Variants in LRRC7 observed in about 807,000 individuals in gnomAD.
LRRC7 encodes leucine-rich repeat-containing protein 7.
LRRC7 carries 23 observed loss-of-function variants against 175.7 expected under a neutral mutation model. The ratio of observed to expected loss-of-function variants is 0.13; its 90% CI spans 0.09 to 0.19. The LOEUF is 0.19. LRRC7 is among the 10% of genes least tolerant of loss of function. The pLI is 1.00. For synonymous variants in LRRC7, 685 were observed against 680.9 expected, an observed-to-expected ratio of 1.01 and a Z score of -0.09; for missense variants, 1,354 against 1,904.7, an observed-to-expected ratio of 0.71 and a Z score of 5.38.
intron 1 of LRRC7, among the ~76,000 whole-genome samples, chr1:69,621,522 T>C (rs1303913035): frequency 6.6e-6 from 1 of 152,094 alleles, no homozygotes; most frequent in Admixed American, 6.6e-5. Context: ...ATATAGGAGA[T>C]TTTCTCTCCC....
In LRRC7 at chr1:70,083,161, T is replaced by C. The variant is rs114888734; in HGVS notation, c.4453-6566T>C. On this transcript the variant is annotated intron_variant, in intron 24 of 26. Coordinates refer to ENST00000651989, the MANE Select transcript of LRRC7 (RefSeq NM_001370785.2). Reference sequence around the variant, plus strand: ...ATCTTTCATTCACAAGAGGAAAAGATTTGAATATAGAAGAATTTGTATTTC... The same window carrying C: ...ATCTTTCATTCACAAGAGGAAAAGACTTGAATATAGAAGAATTTGTATTTC... Among the ~76,000 whole-genome samples, 1,291 of 152,240 alleles carry C rather than the reference T, an allele frequency of 8.5e-3. 11 individuals are homozygous for C. The highest frequency in any genetic ancestry group is 0.029 in the African/African-American group (1,217 of 41,550).
At chr1:69,568,719 G>T (rs1221905107) in intron 1 of LRRC7, 78 bp downstream of exon 1, 3 of 1,150,670 alleles carry the variant, frequency 2.6e-6, no homozygotes, top group South Asian at 1.6e-5. Context: ...CGCGAGGTGT[G>T]GGACCCCAGA....
intron 1 of LRRC7, 23 bp from the exon 2 acceptor site, chr1:69,678,358 A>G: frequency 1.4e-6 from 2 of 1,480,382 alleles, no homozygotes; most frequent in South Asian, 1.2e-5. Flanking sequence ...GTATGAAAAT[A>G]CTCTTCTGAT....
At chr1:69,939,045 ATCT>A in intron 8 of LRRC7, among the ~76,000 whole-genome samples, 1 of 64,380 alleles carries the variant, frequency 1.6e-5, no homozygotes, top group African/African-American at 4.0e-5. Context: ...ATATATCTAT[ATCT>A]ATCTCACAGA....
At chr1:69,942,858 T>G (rs899493461) in intron 8 of LRRC7, among the ~76,000 whole-genome samples, 11 of 152,184 alleles carry the variant, frequency 7.2e-5, no homozygotes, top group African/African-American at 2.4e-4. Context: ...GGTGTCATTA[T>G]TCAGTCTACT....
intron 1 of LRRC7, among the ~76,000 whole-genome samples, chr1:69,570,146 A>G (rs1371209041): frequency 1.3e-5 from 2 of 152,060 alleles, no homozygotes; most frequent in African/African-American, 4.8e-5. Context: ...TTCTAAGCAC[A>G]ATAGAGATTT....
chr1:70,038,536 C>T lies in LRRC7; in HGVS notation c.2712C>T (p.Pro904=), dbSNP rs34000363. 6.0e-4 allele frequency: 964 copies of T among 1,614,030 alleles called. 6 individuals are homozygous for T. The African/African-American group carries it at 0.012, about 20-fold the overall frequency. The stretch of plus-strand genomic sequence containing the variant: ...TTCCTTCCAAATTAGAGACAACCCC[C>T]ACTACCAGCCCATTGCCTGAAAGGA... ...TAFPSKLETT[P]TTSPLPERKE... Residue 904 remains proline (P), a synonymous_variant, in exon 21 of 27, where the codon CCC becomes CCT. Coordinates refer to ENST00000651989, the MANE Select transcript of LRRC7 (RefSeq NM_001370785.2).
intron 1 of LRRC7, among the ~76,000 whole-genome samples, chr1:69,653,193 T>C (rs1338706144): frequency 6.6e-6 from 1 of 152,098 alleles, no homozygotes; most frequent in Non-Finnish European, 1.5e-5. Context: ...ATGACATATC[T>C]GATAAGGGGT....
chr1:70,030,822 T>C (rs548965609), intron 18 of LRRC7, among the ~76,000 whole-genome samples: 2 of 152,330 alleles, frequency 1.3e-5, no homozygotes, highest in South Asian at 4.1e-4. Flanking sequence ...TAAATATTTA[T>C]TGCTCACTTT....
At position 69,833,967 on chromosome 1, in the gene LRRC7, T is replaced by A. The variant is rs1570227213; in HGVS notation, c.501-813T>A. On this transcript the variant is annotated intron_variant, in intron 5 of 26. Coordinates refer to ENST00000651989, the MANE Select transcript of LRRC7 (RefSeq NM_001370785.2). Reference sequence around the variant, plus strand: ...GAGTATTTTATAAAATAACATAATCTGGACTAGACTATACATAAAGGCATT... The same window carrying A: ...GAGTATTTTATAAAATAACATAATCAGGACTAGACTATACATAAAGGCATT... Among the ~76,000 whole-genome samples the A allele has an allele frequency of 2.0e-5, 3 of 152,076 alleles. No individual in the cohort carries two copies. In the East Asian group the frequency reaches 5.8e-4, roughly 29 times the overall value.
At chr1:69,992,220 T>G (rs1362056976) in intron 10 of LRRC7, among the ~76,000 whole-genome samples, 2 of 152,148 alleles carry the variant, frequency 1.3e-5, no homozygotes, top group African/African-American at 4.8e-5. Flanking sequence ...GCACAACTAT[T>G]TCCTTTCAAA....
At chr1:70,008,697 T>G (rs1259381982) in intron 11 of LRRC7, among the ~76,000 whole-genome samples, 2 of 152,162 alleles carry the variant, frequency 1.3e-5, no homozygotes, top group African/African-American at 4.8e-5. Context: ...CCAAGAGAAT[T>G]AGGGTGACCA....
At chr1:69,734,726 ACTTT>A (rs1325392991) in intron 2 of LRRC7, among the ~76,000 whole-genome samples, 1 of 151,886 alleles carries the variant, frequency 6.6e-6, no homozygotes, top group Non-Finnish European at 1.5e-5. Flanking sequence ...TGAATTCCTT[ACTTT>A]CTATTTCTTT....
intron 4 of LRRC7, among the ~76,000 whole-genome samples, chr1:69,796,492 A>T (rs532713994): frequency 1.4e-4 from 22 of 152,096 alleles, no homozygotes; most frequent in Non-Finnish European, 2.2e-4. Flanking sequence ...TCACCTTTAA[A>T]AAGACATTTC....
intron 3 of LRRC7, among the ~76,000 whole-genome samples, chr1:69,761,112 A>G (rs1344920317): frequency 6.6e-6 from 1 of 152,032 alleles, no homozygotes; most frequent in African/African-American, 2.4e-5. Context: ...GCAGACCAAG[A>G]CCACACAGCA....
intron 2 of LRRC7, among the ~76,000 whole-genome samples, chr1:69,683,233 A>C (rs566772430): frequency 6.6e-6 from 1 of 151,876 alleles, no homozygotes; most frequent in East Asian, 1.9e-4. Flanking sequence ...TCCTACGTTC[A>C]CTCTAATTTC....
At chr1:69,868,223 T>G (rs924756176) in intron 7 of LRRC7, among the ~76,000 whole-genome samples, 9 of 152,116 alleles carry the variant, frequency 5.9e-5, no homozygotes, top group Non-Finnish European at 1.0e-4. Context: ...TGCAAAATTT[T>G]GTACAATAAA....
rs1161093445 is a variant in LRRC7 at position 69,568,279 on chromosome 1, A to G, written c.-361A>G. 7 of 206,234 alleles carry G rather than the reference A, an allele frequency of 3.4e-5. No individual in the cohort carries two copies. In the South Asian group the frequency reaches 4.0e-4, roughly 12 times the overall value. 12.8% of individuals were successfully genotyped at this position (206,234 alleles called of 1,614,324 possible). On this transcript the variant is annotated 5_prime_UTR_variant, in exon 1 of 27. Coordinates refer to ENST00000651989, the MANE Select transcript of LRRC7 (RefSeq NM_001370785.2). ...GCGGGGAGGGAGCTGCGCCTCCGCC[A>G]CCGCCGCCGCCGCCGCCGCTGCTGC...
intron 7 of LRRC7, among the ~76,000 whole-genome samples, chr1:69,916,047 T>C (rs368592156): frequency 7.6e-6 from 1 of 131,744 alleles, no homozygotes; most frequent in Non-Finnish European, 1.6e-5. Flanking sequence ...AATTTATATA[T>C]ATATTTTATA....
Sources: allele counts gnomAD v4.1 joint callset (sites outside exome capture counted in the v4.1 genomes callset), GRCh38; gene constraint gnomAD v4.1.1; transcripts MANE v1.5; gene names NCBI Gene and HGNC (gene_info 2026-07-23, HGNC 2026-07-21).